Variants in SP1 observed in about 807,000 individuals in gnomAD.
SP1 encodes Sp1 transcription factor.
Under a neutral mutation model 66.3 loss-of-function variants are expected in SP1, and 6 were observed. That is an observed-to-expected ratio of 0.09 (90% CI 0.05 to 0.18). The LOEUF is 0.18. Ranked by LOEUF, SP1 falls within the 10% of genes least tolerant of loss-of-function variation. SP1 has a pLI of 1.00. For synonymous variants in SP1, 417 were observed against 360.8 expected, an observed-to-expected ratio of 1.16 and a Z score of -1.77; for missense variants, 848 against 964.5, an observed-to-expected ratio of 0.88 and a Z score of 1.60.
At position 53,411,654 on chromosome 12, in the gene SP1, TTA is replaced by T. The variant is rs10699711; in HGVS notation, c.*435_*436del. ...TTAACAAAAAACAGATTCTATATTA[TTA>T]TATATATATATATATATATAAAGAT... On this transcript the variant is annotated 3_prime_UTR_variant, in exon 6 of 6. Transcript: ENST00000327443. 3.5e-3 allele frequency: 504 copies of T among 142,018 alleles called. 3 individuals are homozygous for T. The highest frequency in any genetic ancestry group is 5.1e-3 in the Non-Finnish European group (332 of 65,290). 8.8% of individuals were successfully genotyped at this position (142,018 alleles called of 1,614,324 possible). A position where few individuals can be genotyped will look rare whatever the true frequency, so the allele number is the denominator to read the frequency against.
intron 4 of SP1, among the ~76,000 whole-genome samples, chr12:53,408,987 G>A (rs1938819254): frequency 6.6e-6 from 1 of 152,140 alleles, no homozygotes; most frequent in Non-Finnish European, 1.5e-5. Context: ...TTGGGAGGCG[G>A]AGGTGGGCAG....
intron 3 of SP1, among the ~76,000 whole-genome samples, chr12:53,396,080 A>C (rs867821884): frequency 6.6e-6 from 1 of 152,066 alleles, no homozygotes; most frequent in Non-Finnish European, 1.5e-5. Flanking sequence ...AGATCACGCC[A>C]TTGCACTCCA....
chr12:53,403,365 T>G (rs1938655208), intron 3 of SP1, among the ~76,000 whole-genome samples: 1 of 152,092 alleles, frequency 6.6e-6, no homozygotes, highest in East Asian at 1.9e-4. Flanking sequence ...TTTTTTGGTT[T>G]TTTGTTTTTT....
intron 4 of SP1, among the ~76,000 whole-genome samples, chr12:53,409,151 G>A (rs1351972177): frequency 1.3e-5 from 2 of 152,080 alleles, no homozygotes; most frequent in African/African-American, 4.8e-5. Flanking sequence ...CTTGAACCTA[G>A]GAGGCGGAGG....
intron 3 of SP1, among the ~76,000 whole-genome samples, chr12:53,397,137 A>T (rs1592564767): frequency 6.6e-6 from 1 of 150,916 alleles, no homozygotes; most frequent in African/African-American, 2.4e-5. Flanking sequence ...TCAGCTTCCC[A>T]AGTAACTGGG....
In SP1 at chr12:53,409,573, C is replaced by A. The variant is rs766132071; in HGVS notation, c.2044+12C>A. On this transcript the variant is annotated intron_variant, in intron 5 of 5. Transcript: ENST00000327443. ...ACGTACACACACAGGTGAGCAAGAG[C>A]CTATGGGAGAGAAAAATAGTAATAG... is the stretch of plus-strand genomic sequence containing the variant. 25 of 1,607,130 alleles carry A rather than the reference C, an allele frequency of 1.6e-5. No homozygotes were observed. Among genetic ancestry groups the A allele is most frequent in the Non-Finnish European group, 2.0e-5 (24 of 1,174,190 alleles).
chr12:53,380,177 C>CG lies in SP1; in HGVS notation c.-115_-114insG, dbSNP rs1179928227. Reference sequence around the variant, plus strand: ...GTGGCGCGCTGCTCCCTCCTCCTTACCCCCCCCTCCCTGTCCGGTCCGGGT... The same window carrying CG: ...GTGGCGCGCTGCTCCCTCCTCCTTACGCCCCCCCTCCCTGTCCGGTCCGGGT... On this transcript the variant is annotated 5_prime_UTR_variant, in exon 1 of 6. Coordinates refer to ENST00000327443, the MANE Select transcript of SP1 (RefSeq NM_138473.3). The CG allele has an allele frequency of 3.6e-5, 25 of 695,620 alleles. No homozygotes were observed. In the East Asian group the frequency reaches 7.4e-4, roughly 21 times the overall value. 43.1% of individuals were successfully genotyped at this position (695,620 alleles called of 1,614,324 possible).
chr12:53,381,951 C>T (rs1938110048), intron 2 of SP1, 138 bp downstream of exon 2: 2 of 1,202,356 alleles, frequency 1.7e-6, no homozygotes, highest in East Asian at 2.4e-5. Flanking sequence ...ATGGAGATCC[C>T]CAAAGACAAA....
intron 3 of SP1, among the ~76,000 whole-genome samples, chr12:53,403,218 G>C (rs1364431422): frequency 1.3e-5 from 2 of 152,176 alleles, no homozygotes; most frequent in Admixed American, 1.3e-4. Flanking sequence ...GAAAAGGATA[G>C]AGATTAGGTA....
chr12:53,383,259 C>A lies in SP1; in HGVS notation c.1312C>A (p.Leu438Ile), dbSNP rs1173995406. 1 of 1,614,218 alleles carries A rather than the reference C, an allele frequency of 6.2e-7. No homozygotes were observed. The highest frequency in any genetic ancestry group is 1.3e-5 in the African/African-American group (1 of 75,060). ...QAISQETLQN[L>I]QLQAVPNSGP... The stretch of plus-strand genomic sequence containing the variant: ...CATCTCCCAGGAAACCCTCCAGAAC[C>A]TCCAGCTTCAGGCTGTTCCAAACTC... The change falls in exon 3 of 6, where the codon CTC becomes ATC. Residue 438 changes from leucine to isoleucine, a missense_variant. This residue lies in a region of SP1 where 606 missense variants were observed against 589.9 expected (regional missense o/e 1.03). Transcript: ENST00000327443.
rs1441755922 is a variant in SP1 at position 53,415,943 on chromosome 12, T to G, written c.*4703T>G. 1 of 151,736 alleles carries G rather than the reference T, an allele frequency of 6.6e-6. No individual in the cohort carries two copies. The highest frequency in any genetic ancestry group is 1.5e-5 in the Non-Finnish European group (1 of 67,762). The allele number at this position is 151,736 out of a possible 1,614,324, so 9.4% of individuals were successfully genotyped here. ...GACTTCGGGGAAGATACACTGAGAT[T>G]GACCTGAGGAGACATCTACACACAC... On this transcript the variant is annotated 3_prime_UTR_variant, in exon 6 of 6. Coordinates refer to ENST00000327443, the MANE Select transcript of SP1 (RefSeq NM_138473.3).
intron 3 of SP1, among the ~76,000 whole-genome samples, chr12:53,404,878 C>T (rs983821319): frequency 1.3e-5 from 2 of 152,110 alleles, no homozygotes; most frequent in Non-Finnish European, 2.9e-5. Context: ...CTCTGTCGGC[C>T]AGGCTGGAGT....
chr12:53,395,825 AAATT>A (rs1408598691), intron 3 of SP1, among the ~76,000 whole-genome samples: 1 of 151,946 alleles, frequency 6.6e-6, no homozygotes, highest in Non-Finnish European at 1.5e-5. Flanking sequence ...AAAAAAAAAA[AAATT>A]AACTGGGCGT....
At position 53,383,605 on chromosome 12, in the gene SP1, C is replaced by G; in HGVS notation, c.1658C>G (p.Ala553Gly). The G allele has an allele frequency of 6.2e-7, 1 of 1,606,960 alleles. No homozygotes were observed. ...CACCCAATTCAAGGCCTGCCGTTGG[C>G]TATAGCAAATGCCCCAGGTAAGATT... ...QVHPIQGLPL[A>G]IANAPGDHGA... The change falls in exon 3 of 6, where the codon GCT (alanine) becomes GGT (glycine). Residue 553 changes from alanine (A) to glycine (G), a missense_variant. Coordinates refer to ENST00000327443, the MANE Select transcript of SP1 (RefSeq NM_138473.3).
rs1372620959 is a variant in SP1 at position 53,409,425 on chromosome 12, G to A, written c.1908G>A (p.Val636=). 8 of 1,613,992 alleles carry A rather than the reference G, an allele frequency of 5.0e-6. No individual in the cohort carries two copies. Among genetic ancestry groups the A allele is most frequent in the Non-Finnish European group, 5.9e-6 (7 of 1,180,036 alleles). ...HICHIQGCGK[V]YGKTSHLRAH... is the part of the protein sequence containing the mutation. ...GCCACATCCAAGGCTGTGGGAAAGT[G>A]TATGGCAAGACCTCTCACCTGCGGG... Residue 636 remains valine, a synonymous_variant, in exon 5 of 6, where the codon GTG becomes GTA. Transcript: ENST00000327443.
rs1938227338 is a variant in SP1 at position 53,386,242 on chromosome 12, T to C, written c.1675+2620T>C. ...TTCCTAGACTGCTTTGAAAGTACTGTGTGTGGTTAGGAAGGGAGAAGGAAA... is the reference window on the plus strand; with the variant it reads ...TTCCTAGACTGCTTTGAAAGTACTGCGTGTGGTTAGGAAGGGAGAAGGAAA... On this transcript the variant is annotated intron_variant, in intron 3 of 5. Transcript: ENST00000327443. Among the ~76,000 whole-genome samples the C allele has an allele frequency of 3.3e-5, 5 of 151,796 alleles. No homozygotes were observed. The South Asian group carries it at 8.3e-4, about 25-fold the overall frequency.
intron 3 of SP1, among the ~76,000 whole-genome samples, chr12:53,385,439 C>A (rs1358769213): frequency 7.0e-6 from 1 of 142,530 alleles, no homozygotes; most frequent in Non-Finnish European, 1.5e-5. Context: ...ACTAAAAATA[C>A]AAAAAATTAG....
At position 53,380,268 on chromosome 12, in the gene SP1, T is replaced by G; in HGVS notation, c.-24T>G. On this transcript the variant is annotated 5_prime_UTR_variant, in exon 1 of 6. Coordinates refer to ENST00000327443, the MANE Select transcript of SP1 (RefSeq NM_138473.3). Reference sequence around the variant, plus strand: ...CCAACCCCCCCGGACAGGACCCCCTTGAGCTTGTCCCTCAGCTGCCACCAT... The same window carrying G: ...CCAACCCCCCCGGACAGGACCCCCTGGAGCTTGTCCCTCAGCTGCCACCAT... The G allele has an allele frequency of 2.3e-6, 2 of 879,608 alleles. No individual in the cohort carries two copies. Among genetic ancestry groups the G allele is most frequent in the Non-Finnish European group, 3.6e-6 (2 of 561,682 alleles). The allele number at this position is 879,608 out of a possible 1,614,324, so 54.5% of individuals were successfully genotyped here.
intron 3 of SP1, among the ~76,000 whole-genome samples, chr12:53,400,990 G>T (rs948096860): frequency 1.7e-4 from 25 of 151,468 alleles, no homozygotes; most frequent in Non-Finnish European, 3.4e-4. Context: ...TCGAACTCCT[G>T]ACCTCAGGTG....
Sources: gnomAD v4.1 joint callset for allele counts (sites outside exome capture counted in the v4.1 genomes callset) on GRCh38, gnomAD v4.1.1 for gene constraint, gnomAD v4.1.1 regional missense constraint, MANE v1.5 for transcripts, NCBI Gene and HGNC (gene_info 2026-07-23, HGNC 2026-07-21) for gene names.